CYB5A: variants seen among roughly 807,000 people sequenced by gnomAD.
The protein encoded by CYB5A is cytochrome b5 type A.
A neutral mutation model predicts 16.2 loss-of-function variants in CYB5A; 10 were observed. The observed-to-expected ratio is 0.62, with a 90% CI of 0.38 to 1.04. CYB5A has a LOEUF of 1.04. Ranked by LOEUF, CYB5A falls within the 50% of genes least tolerant of loss-of-function variation. CYB5A has a pLI of 0.01. For missense variants in CYB5A, 161 were observed against 165.9 expected (o/e 0.97, Z 0.16); for synonymous variants, 62 against 57.0 (o/e 1.09, Z -0.40).
chr18:74,271,593 T>C (rs987221365), intron 1 of CYB5A, among the ~76,000 whole-genome samples: 1 of 152,160 alleles, frequency 6.6e-6, no homozygotes, highest in African/African-American at 2.4e-5. Context: ...CACATATACA[T>C]TGTGAAATGA....
chr18:74,271,615 T>C (rs1282754349), intron 1 of CYB5A, among the ~76,000 whole-genome samples: 1 of 152,200 alleles, frequency 6.6e-6, no homozygotes, highest in Non-Finnish European at 1.5e-5. Flanking sequence ...TCAATCAAGC[T>C]AATCACCATA....
At chr18:74,285,801 G>GC (rs1055886758) in intron 1 of CYB5A, among the ~76,000 whole-genome samples, 6 of 142,968 alleles carry the variant, frequency 4.2e-5, no homozygotes, top group African/African-American at 1.6e-4. Flanking sequence ...GCAGTGAGCT[G>GC]AGATCACACC....
intron 1 of CYB5A, among the ~76,000 whole-genome samples, chr18:74,287,312 C>T (rs1433614448): frequency 6.6e-6 from 1 of 152,110 alleles, no homozygotes; most frequent in African/African-American, 2.4e-5. Context: ...AGTATTTTAG[C>T]CCTAAATATG....
At chr18:74,281,039 AGC>A (rs758412406) in intron 1 of CYB5A, among the ~76,000 whole-genome samples, 1 of 151,990 alleles carries the variant, frequency 6.6e-6, no homozygotes. Context: ...CAACCAGGGG[AGC>A]AGCAGTAGAC....
At chr18:74,291,723 C>T in intron 1 of CYB5A, 24 bp downstream of exon 1, 1 of 1,613,606 alleles carries the variant, frequency 6.2e-7, no homozygotes, top group Non-Finnish European at 8.5e-7. Context: ...TCCCTGCGCC[C>T]CAAGCCGCTC....
At chr18:74,276,439 T>C (rs1016224697) in intron 1 of CYB5A, among the ~76,000 whole-genome samples, 1 of 151,994 alleles carries the variant, frequency 6.6e-6, no homozygotes, top group Non-Finnish European at 1.5e-5. Flanking sequence ...CTTTTGAGAA[T>C]TTGGGAGAAA....
intron 1 of CYB5A, among the ~76,000 whole-genome samples, chr18:74,276,631 G>A (rs76887538): frequency 0.016 from 2,354 of 151,598 alleles, 44 homozygotes; most frequent in African/African-American, 0.053. Context: ...TATGCAAAAC[G>A]ACACTACAAT....
chr18:74,284,070 T>A (rs1273147295), intron 1 of CYB5A, among the ~76,000 whole-genome samples: 1 of 151,852 alleles, frequency 6.6e-6, no homozygotes, highest in Non-Finnish European at 1.5e-5. Flanking sequence ...TCATCTCTAA[T>A]GAAAATACAA....
At chr18:74,257,173 G>A (rs746935745) in intron 3 of CYB5A, 206 of 354,452 alleles carry the variant, frequency 5.8e-4, no homozygotes, top group Non-Finnish European at 6.7e-4. Flanking sequence ...CCACGGCGTC[G>A]TTAAAATGAG....
chr18:74,260,828 C>T, intron 3 of CYB5A, 87 bp downstream of exon 3: 1 of 1,081,374 alleles, frequency 9.2e-7, no homozygotes, highest in Non-Finnish European at 1.4e-6. Flanking sequence ...TGGCATCAGT[C>T]AGGTAAATAA....
intron 1 of CYB5A, among the ~76,000 whole-genome samples, chr18:74,285,708 A>G: frequency 6.6e-6 from 1 of 152,198 alleles, no homozygotes; most frequent in Non-Finnish European, 1.5e-5. Context: ...AAAAAATACA[A>G]AAATTAGCTG....
chr18:74,279,076 A>G (rs1422720821), intron 1 of CYB5A, among the ~76,000 whole-genome samples: 1 of 152,230 alleles, frequency 6.6e-6, no homozygotes, highest in African/African-American at 2.4e-5. Flanking sequence ...CCAGGCCCAG[A>G]GCTGCCACAG....
intron 1 of CYB5A, among the ~76,000 whole-genome samples, chr18:74,276,228 C>T (rs1982869318): frequency 6.6e-6 from 1 of 152,056 alleles, no homozygotes; most frequent in Non-Finnish European, 1.5e-5. Context: ...GAAAATGGGA[C>T]GCAGAGGAAT....
At chr18:74,261,005 A>C (rs1982178982) in intron 2 of CYB5A, 61 bp from the exon 3 acceptor site, 4 of 1,286,494 alleles carry the variant, frequency 3.1e-6, no homozygotes, top group South Asian at 2.4e-5. Context: ...ACCACTTCCA[A>C]AATGCTGACT....
chr18:74,273,605 C>A (rs17089031), intron 1 of CYB5A, among the ~76,000 whole-genome samples: 5 of 152,196 alleles, frequency 3.3e-5, no homozygotes, highest in African/African-American at 1.2e-4. Context: ...TCATCACCTA[C>A]GAAGCTGGCC....
intron 1 of CYB5A, among the ~76,000 whole-genome samples, chr18:74,287,964 A>G (rs998086775): frequency 2.6e-5 from 4 of 152,218 alleles, no homozygotes; most frequent in Non-Finnish European, 5.9e-5. Flanking sequence ...CAAAGACTCA[A>G]TTTCACAAAT....
rs1407554065 is a variant in CYB5A, at chr18:74,255,746, A to G, written c.318T>C (p.Ser106=). 6.2e-7 allele frequency: 1 copy of G among 1,612,714 alleles called. No homozygotes were observed. Among genetic ancestry groups the G allele is most frequent in the South Asian group, 1.1e-5 (1 of 91,052 alleles). ...AAAAGAAAGCTACCACATACCTGGA[A>G]CTAGAATCAATAGTAGTGATAAGAG... ...PETLITTIDS[S]SSWWTNWVIP... is the part of the protein sequence containing the mutation. Residue 106 remains serine, a synonymous_variant, in exon 4 of 5, where the codon AGT becomes AGC. Transcript: ENST00000340533.
Position 74,291,741 on chromosome 18 carries a change from A to G in CYB5A, c.129+6T>C, listed in dbSNP as rs376151180. 2.9e-5 allele frequency: 47 copies of G among 1,613,738 alleles called. No individual in the cohort carries two copies. The highest frequency in any genetic ancestry group is 4.0e-5 in the Non-Finnish European group (47 of 1,179,754). On this transcript the variant is annotated splice_donor_region_variant and intron_variant, in intron 1 of 4. Transcript: ENST00000340533. ...CTGCGCCCCAAGCCGCTCATCCCCAACTCACCTCTTCCAGAAATTTGGTCA... is the reference window on the plus strand; with the variant it reads ...CTGCGCCCCAAGCCGCTCATCCCCAGCTCACCTCTTCCAGAAATTTGGTCA...
At chr18:74,264,559 T>C (rs541640458) in intron 1 of CYB5A, among the ~76,000 whole-genome samples, 8 of 152,306 alleles carry the variant, frequency 5.3e-5, no homozygotes, top group African/African-American at 1.7e-4. Flanking sequence ...GACTGTCAGA[T>C]AGATGAGTCC....
Sources: allele counts gnomAD v4.1 joint callset (sites outside exome capture counted in the v4.1 genomes callset), GRCh38; gene constraint gnomAD v4.1.1; transcripts MANE v1.5; gene names NCBI Gene and HGNC (gene_info 2026-07-23, HGNC 2026-07-21).